Variants in DGKH observed in about 807,000 individuals in gnomAD.
DGKH encodes DAG kinase eta.
DGKH carries 90 observed loss-of-function variants against 159.3 expected under a neutral mutation model. The ratio of observed to expected loss-of-function variants is 0.57; its 90% CI spans 0.48 to 0.67. The LOEUF (loss-of-function observed/expected upper bound fraction) is 0.67. Among genes scored for constraint, DGKH ranks in the 30% least tolerant of loss-of-function variants. The pLI, the probability that DGKH is intolerant of heterozygous loss-of-function variation, is 0.00. For missense variants in DGKH, 1,181 were observed against 1,506.1 expected (o/e 0.78, Z 3.57); for synonymous variants, 536 against 553.8 (o/e 0.97, Z 0.45).
At chr13:42,221,177 C>T in intron 28 of DGKH, 87 bp from the exon 29 acceptor site, 1 of 1,538,326 alleles carries the variant, frequency 6.5e-7, no homozygotes, top group Non-Finnish European at 8.8e-7. Context: ...CCGCTGCACT[C>T]TGTTTTGCAT....
chr13:42,189,401 T>C, intron 15 of DGKH, 92 bp downstream of exon 15: 1 of 1,504,324 alleles, frequency 6.6e-7, no homozygotes. Flanking sequence ...TTGGACACAC[T>C]TTTTAAAAAT....
Position 42,230,337 on chromosome 13 carries a change from T to G in DGKH, c.*1149T>G, listed in dbSNP as rs1958255696. ...GGATTTAAATTTTTTCTTAAGGGCTTTATGTTGTTATTATTATTATCTCAC... is the reference window on the plus strand; with the variant it reads ...GGATTTAAATTTTTTCTTAAGGGCTGTATGTTGTTATTATTATTATCTCAC... On this transcript the variant is annotated 3_prime_UTR_variant, in exon 30 of 30. Coordinates refer to ENST00000337343, the MANE Select transcript of DGKH (RefSeq NM_178009.5). 1 of 152,102 alleles carries G rather than the reference T, an allele frequency of 6.6e-6. No individual in the cohort carries two copies. Among genetic ancestry groups the G allele is most frequent in the Non-Finnish European group, 1.5e-5 (1 of 68,010 alleles). The allele number at this position is 152,102 out of a possible 1,614,324, so 9.4% of individuals were successfully genotyped here. A position where few individuals can be genotyped will look rare whatever the true frequency, so the allele number is the denominator to read the frequency against.
chr13:42,189,332 T>G, intron 15 of DGKH, 23 bp downstream of exon 15: 1 of 1,611,198 alleles, frequency 6.2e-7, no homozygotes, highest in Non-Finnish European at 8.5e-7. Context: ...AAATTTAGCT[T>G]TGGAAGAAGT....
At chr13:42,127,074 A>G (rs997258605) in intron 1 of DGKH, among the ~76,000 whole-genome samples, 1 of 152,216 alleles carries the variant, frequency 6.6e-6, no homozygotes, top group African/African-American at 2.4e-5. Flanking sequence ...TCATCCAGCT[A>G]CTAAGTGGTG....
Position 42,242,360 on chromosome 13 carries a change from A to G in DGKH, c.*13172A>G, listed in dbSNP as rs1235424451. On this transcript the variant is annotated 3_prime_UTR_variant, in exon 30 of 30. Coordinates refer to ENST00000337343, the MANE Select transcript of DGKH (RefSeq NM_178009.5). ...GCACTTGTGTCTGAAAGATGCAGAT[A>G]ATATCTATCTATTTATTACACAGTG... is the stretch of plus-strand genomic sequence containing the variant. 2 of 152,220 alleles carry G rather than the reference A, an allele frequency of 1.3e-5. No homozygotes were observed. The highest frequency in any genetic ancestry group is 6.5e-5 in the Admixed American group (1 of 15,274). The allele number at this position is 152,220 out of a possible 1,614,324, so 9.4% of individuals were successfully genotyped here. A position where few individuals can be genotyped will look rare whatever the true frequency, so the allele number is the denominator to read the frequency against.
chr13:42,136,296 T>G (rs990109167), intron 3 of DGKH, among the ~76,000 whole-genome samples: 4 of 152,222 alleles, frequency 2.6e-5, no homozygotes, highest in African/African-American at 7.2e-5. Flanking sequence ...TCCATGCTGC[T>G]TATCTTTCAG....
chr13:42,081,233 A>T lies in DGKH; in HGVS notation c.192+32268A>T, dbSNP rs908705678. Among the ~76,000 whole-genome samples the T allele has an allele frequency of 4.1e-3, 603 of 147,552 alleles. 16 individuals are homozygous for T. Among genetic ancestry groups the T allele is most frequent in the Non-Finnish European group, 1.3e-3 (86 of 66,540 alleles). On this transcript the variant is annotated intron_variant, in intron 1 of 29. Coordinates refer to ENST00000337343, the MANE Select transcript of DGKH (RefSeq NM_178009.5). ...CTACTAAGAAAAATCTTTCTCTCCT[A>T]TTTTTTTTTTCCTGGAGATGTGTTC...
chr13:42,177,642 C>T (rs986162711), intron 12 of DGKH, among the ~76,000 whole-genome samples: 3 of 152,192 alleles, frequency 2.0e-5, no homozygotes, highest in Non-Finnish European at 4.4e-5. Flanking sequence ...AGCTCCATAG[C>T]CTTGCTAGCA....
In DGKH at chr13:42,236,491, A is replaced by G. The variant is rs891174868; in HGVS notation, c.*7303A>G. ...CAATATTAAGGATTTAATGTAGCCAAGGGATTCAGTGTGTTATATTTTGCC... is the reference window on the plus strand; with the variant it reads ...CAATATTAAGGATTTAATGTAGCCAGGGGATTCAGTGTGTTATATTTTGCC... On this transcript the variant is annotated 3_prime_UTR_variant, in exon 30 of 30. Coordinates refer to ENST00000337343, the MANE Select transcript of DGKH (RefSeq NM_178009.5). The G allele has an allele frequency of 6.6e-6, 1 of 152,238 alleles. No homozygotes were observed. The allele number at this position is 152,238 out of a possible 1,614,324, so 9.4% of individuals were successfully genotyped here.
rs1958535192 is a variant in DGKH at position 42,242,621 on chromosome 13, G to A, written c.*13433G>A. 1 of 152,118 alleles carries A rather than the reference G, an allele frequency of 6.6e-6. No homozygotes were observed. The highest frequency in any genetic ancestry group is 2.1e-4 in the South Asian group (1 of 4,826). The allele number at this position is 152,118 out of a possible 1,614,324, so 9.4% of individuals were successfully genotyped here. A position where few individuals can be genotyped will look rare whatever the true frequency, so the allele number is the denominator to read the frequency against. ...AGATGTTTTATGTGTTTTCACCTTT[G>A]GAATATATTGTTACATTTCCTTGTA... On this transcript the variant is annotated 3_prime_UTR_variant, in exon 30 of 30. Coordinates refer to ENST00000337343, the MANE Select transcript of DGKH (RefSeq NM_178009.5).
chr13:42,070,989 A>G, intron 1 of DGKH: 1 of 1,326,620 alleles, frequency 7.5e-7, no homozygotes, highest in Non-Finnish European at 1.1e-6. Flanking sequence ...CTACAGCAGA[A>G]AAAAACAAGT....
chr13:42,117,254 A>G (rs1057058462), intron 1 of DGKH, among the ~76,000 whole-genome samples: 2 of 152,220 alleles, frequency 1.3e-5, no homozygotes, highest in Non-Finnish European at 2.9e-5. Flanking sequence ...GAACATTAAT[A>G]TCGAATATAA....
intron 28 of DGKH, 137 bp from the exon 29 acceptor site, chr13:42,221,127 G>A (rs1344251914): frequency 3.5e-6 from 4 of 1,155,392 alleles, no homozygotes; most frequent in Non-Finnish European, 4.9e-6. Context: ...CTATGGTTTT[G>A]TTGAAACAAC....
chr13:42,087,959 A>G (rs1238832944), intron 1 of DGKH, among the ~76,000 whole-genome samples: 1 of 152,178 alleles, frequency 6.6e-6, no homozygotes, highest in African/African-American at 2.4e-5. Context: ...AAACAACCTG[A>G]TAGCACATCA....
chr13:42,155,812 C>G lies in DGKH; in HGVS notation c.622+13C>G. The G allele has an allele frequency of 6.2e-7, 1 of 1,613,796 alleles. No individual in the cohort carries two copies. The highest frequency in any genetic ancestry group is 1.7e-5 in the Admixed American group (1 of 59,996). On this transcript the variant is annotated intron_variant, in intron 5 of 29. Transcript: ENST00000337343. ...CTGTCCTGCGAAGGTACTGTAGCAC[C>G]TAGCATGTGTTTTCTCCCAACAGTA...
chr13:42,220,622 CT>C (rs1433011214), intron 28 of DGKH, among the ~76,000 whole-genome samples: 2 of 152,118 alleles, frequency 1.3e-5, no homozygotes, highest in African/African-American at 4.8e-5. Context: ...TTTTATTAAG[CT>C]AATCAATGTT....
intron 29 of DGKH, among the ~76,000 whole-genome samples, chr13:42,222,987 A>G (rs1958023274): frequency 6.6e-6 from 1 of 152,274 alleles, no homozygotes; most frequent in South Asian, 2.1e-4. Context: ...TTTGCTTTTC[A>G]TGGGACTTTT....
intron 1 of DGKH, among the ~76,000 whole-genome samples, chr13:42,109,843 T>A (rs1954828842): frequency 2.0e-5 from 3 of 152,182 alleles, no homozygotes; most frequent in South Asian, 4.1e-4. Flanking sequence ...AAGATATTTT[T>A]AAAAAATCTA....
In DGKH at chr13:42,166,529, A is replaced by C; in HGVS notation, c.973A>C (p.Thr325Pro). The change falls in exon 9 of 30, where the codon ACA (threonine) becomes CCA (proline). Residue 325 changes from threonine (T) to proline (P), a missense_variant. By Grantham distance (38) the Thr-to-Pro change is conservative. This residue lies in a region of DGKH where 369 missense variants were observed against 519.4 expected (regional missense o/e 0.71). Coordinates refer to ENST00000337343, the MANE Select transcript of DGKH (RefSeq NM_178009.5). ...STDSDGFCRA[T>P]FSFCVSPLLV... ...TTTTTTCACAGGTTTCTGTAGAGCA[A>C]CATTTTCGTTCTGTGTTAGTCCTCT... The C allele has an allele frequency of 6.5e-7, 1 of 1,549,492 alleles. No homozygotes were observed. Among genetic ancestry groups the C allele is most frequent in the Non-Finnish European group, 8.7e-7 (1 of 1,147,964 alleles).
Sources: allele counts gnomAD v4.1 joint callset (sites outside exome capture counted in the v4.1 genomes callset), GRCh38; gene constraint gnomAD v4.1.1; regional missense constraint gnomAD v4.1.1; transcripts MANE v1.5; gene names NCBI Gene and HGNC (gene_info 2026-07-23, HGNC 2026-07-21).